PRLR: variants seen among roughly 807,000 people sequenced by gnomAD.
The protein encoded by PRLR is prolactin receptor.
A neutral mutation model predicts 40.2 loss-of-function variants in PRLR; 13 were observed. The ratio of observed to expected loss-of-function variants is 0.32; its 90% CI spans 0.21 to 0.51. The LOEUF (loss-of-function observed/expected upper bound fraction) is 0.51, where lower values mean the gene tolerates loss of function less well. PRLR is among the 20% of genes least tolerant of loss of function. PRLR has a pLI of 0.97. For missense variants in PRLR, 656 were observed against 747.3 expected (o/e 0.88, Z 1.42); for synonymous variants, 269 against 278.7 (o/e 0.97, Z 0.35).
At chr5:35,160,803 G>T (rs191579668) in intron 1 of PRLR, among the ~76,000 whole-genome samples, 1 of 152,096 alleles carries the variant, frequency 6.6e-6, no homozygotes, top group African/African-American at 2.4e-5. Flanking sequence ...GACCCCTTAC[G>T]ATTTCTTCTC....
chr5:35,055,334 A>G (rs1403011432), downstream of PRLR, among the ~76,000 whole-genome samples: 1 of 152,180 alleles, frequency 6.6e-6, no homozygotes, highest in Non-Finnish European at 1.5e-5. Context: ...GAGAAGTTCC[A>G]AGAAACTTCT....
rs143908559 is a variant in PRLR at position 35,059,528 on chromosome 5, G to A, written c.*5561C>T. On this transcript the variant is annotated 3_prime_UTR_variant, in exon 10 of 10. Coordinates refer to ENST00000618457, the MANE Select transcript of PRLR (RefSeq NM_000949.7). ...AGATTTACCATAGCCAATAAAATTTGGATTTAGTGGGTTAGTCTCAGCATT... is the reference window on the plus strand; with the variant it reads ...AGATTTACCATAGCCAATAAAATTTAGATTTAGTGGGTTAGTCTCAGCATT... 3.3e-5 allele frequency: 5 copies of A among 152,040 alleles called. No homozygotes were observed. The highest frequency in any genetic ancestry group is 9.6e-5 in the African/African-American group (4 of 41,480). The allele number at this position is 152,040 out of a possible 1,614,324, so 9.4% of individuals were successfully genotyped here.
chr5:35,124,612 T>A (rs1773396846), intron 1 of PRLR, among the ~76,000 whole-genome samples: 1 of 152,200 alleles, frequency 6.6e-6, no homozygotes. Context: ...TTCCTTAATT[T>A]ATTTATTTTA....
chr5:35,219,729 T>G (rs903476963), intron 1 of PRLR, among the ~76,000 whole-genome samples: 1 of 152,172 alleles, frequency 6.6e-6, no homozygotes, highest in Admixed American at 6.5e-5. Flanking sequence ...GATGAAATTT[T>G]TATGGTTAAG....
At chr5:35,092,289 C>T (rs1426163693) in intron 2 of PRLR, among the ~76,000 whole-genome samples, 2 of 152,210 alleles carry the variant, frequency 1.3e-5, no homozygotes, top group Non-Finnish European at 2.9e-5. Context: ...ATTAGACATA[C>T]TCACAGTGGT....
intron 1 of PRLR, among the ~76,000 whole-genome samples, chr5:35,199,476 C>G (rs1775822317): frequency 6.6e-6 from 1 of 152,074 alleles, no homozygotes; most frequent in Non-Finnish European, 1.5e-5. Flanking sequence ...AGAAATGTTT[C>G]CAAGGTGCCA....
chr5:35,227,303 G>A (rs1406995500), intron 1 of PRLR, among the ~76,000 whole-genome samples: 1 of 152,208 alleles, frequency 6.6e-6, no homozygotes, highest in Non-Finnish European at 1.5e-5. Flanking sequence ...TGGGGAGCTT[G>A]GGAGCACTGG....
intron 2 of PRLR, among the ~76,000 whole-genome samples, chr5:35,105,580 A>C (rs574870593): frequency 2.0e-5 from 3 of 152,332 alleles, no homozygotes; most frequent in African/African-American, 7.2e-5. Context: ...TATATGACGC[A>C]TGCACAAGCT....
Position 35,189,868 on chromosome 5 carries a change from C to T in PRLR, c.-106+40400G>A, listed in dbSNP as rs142215420. Among the ~76,000 whole-genome samples the T allele has an allele frequency of 5.3e-4, 80 of 152,316 alleles. 2 individuals are homozygous for T. In the East Asian group the frequency reaches 0.015, roughly 28 times the overall value. On this transcript the variant is annotated intron_variant, in intron 1 of 9. Coordinates refer to ENST00000618457, the MANE Select transcript of PRLR (RefSeq NM_000949.7). ...CAAATAATAGTGAAAATCAAGGAAA[C>T]TGAGCCCAGAAAGGTCAAACCACTT...
Position 35,068,766 on chromosome 5 carries a change from G to C in PRLR, c.785+13C>G. On this transcript the variant is annotated intron_variant, in intron 8 of 9. Coordinates refer to ENST00000618457, the MANE Select transcript of PRLR (RefSeq NM_000949.7). ...TCATGATTGGGAGGAAAAGTTGAGA[G>C]ACAGTGAAGTACCTATAGCCCTTCA... 6.4e-7 allele frequency: 1 copy of C among 1,557,206 alleles called. No individual in the cohort carries two copies. The highest frequency in any genetic ancestry group is 8.8e-7 in the Non-Finnish European group (1 of 1,130,902).
At chr5:35,134,514 A>G (rs2111791285) in intron 1 of PRLR, among the ~76,000 whole-genome samples, 1 of 152,330 alleles carries the variant, frequency 6.6e-6, no homozygotes, top group East Asian at 1.9e-4. Context: ...TAAACTAACA[A>G]CCACTCATCA....
In PRLR at chr5:35,080,227, T is replaced by G. The variant is rs552692386; in HGVS notation, c.373+4243A>C. ...ACTAAAGAGCTTCTGCACAGTAAAA[T>G]AAACTACCATCAGAGTGAACAGGCA... is the stretch of plus-strand genomic sequence containing the variant. On this transcript the variant is annotated intron_variant, in intron 5 of 9. Transcript: ENST00000618457. Among the ~76,000 whole-genome samples the G allele has an allele frequency of 5.3e-5, 8 of 152,064 alleles. No homozygotes were observed. The South Asian group carries it at 1.7e-3, about 32-fold the overall frequency.
chr5:35,150,958 C>T (rs1774326519), intron 1 of PRLR, among the ~76,000 whole-genome samples: 1 of 152,158 alleles, frequency 6.6e-6, no homozygotes, highest in Admixed American at 6.5e-5. Context: ...GCATATAAAA[C>T]ATCTTTGTTG....
intron 1 of PRLR, among the ~76,000 whole-genome samples, chr5:35,215,871 A>AG (rs1309580419): frequency 1.3e-5 from 2 of 150,536 alleles, no homozygotes; most frequent in Non-Finnish European, 3.0e-5. Flanking sequence ...TCTACTAAAA[A>AG]AAAAAAAAAA....
intron 1 of PRLR, among the ~76,000 whole-genome samples, chr5:35,212,446 G>C (rs1776194943): frequency 6.6e-6 from 1 of 152,168 alleles, no homozygotes; most frequent in Non-Finnish European, 1.5e-5. Flanking sequence ...TTAAGGTCTG[G>C]GGCTTCTGAT....
intron 1 of PRLR, among the ~76,000 whole-genome samples, chr5:35,152,030 T>C (rs78390021): frequency 0.011 from 1,617 of 152,324 alleles, 20 homozygotes; most frequent in South Asian, 0.024. Context: ...TTTTCAGAAA[T>C]TCACAAAGGG....
chr5:35,065,284 C>T lies in PRLR; in HGVS notation c.1674G>A (p.Leu558=), dbSNP rs1295981047. 2 of 1,614,040 alleles carry T rather than the reference C, an allele frequency of 1.2e-6. No individual in the cohort carries two copies. Among genetic ancestry groups the T allele is most frequent in the African/African-American group, 1.3e-5 (1 of 74,916 alleles). The part of the protein sequence containing the change: ...KVSGVMDNNI[L]VLVPDPHAKN... ...TAGCATGTGGATCTGGCACCAACAC[C>T]AGGATGTTGTTATCCATGACCCCGG... The change falls in exon 10 of 10, where the codon CTG becomes CTA. Residue 558 remains leucine (L), a synonymous_variant. Transcript: ENST00000618457.
chr5:35,163,181 G>C (rs148416629), intron 1 of PRLR, among the ~76,000 whole-genome samples: 165 of 152,278 alleles, frequency 1.1e-3, no homozygotes, highest in African/African-American at 3.8e-3. Flanking sequence ...TGGCTTTGGA[G>C]AGGGCCCCTG....
At chr5:35,208,624 T>A (rs1776084460) in intron 1 of PRLR, among the ~76,000 whole-genome samples, 1 of 152,182 alleles carries the variant, frequency 6.6e-6, no homozygotes, top group Non-Finnish European at 1.5e-5. Flanking sequence ...CAAAAACTTA[T>A]TTATTTGTCA....
Sources: gnomAD v4.1 joint callset for allele counts (sites outside exome capture counted in the v4.1 genomes callset) on GRCh38, gnomAD v4.1.1 for gene constraint, MANE v1.5 for transcripts, NCBI Gene and HGNC (gene_info 2026-07-23, HGNC 2026-07-21) for gene names.